VSIG4: variants seen among roughly 807,000 people sequenced by gnomAD.
The protein encoded by VSIG4 is V-set and immunoglobulin domain-containing protein 4.
In VSIG4, 34 loss-of-function variants were observed where a neutral mutation model predicts 23.4. The ratio of observed to expected loss-of-function variants is 1.45; its 90% CI spans 1.10 to 1.93. The LOEUF (loss-of-function observed/expected upper bound fraction) is 1.93, where lower values mean the gene tolerates loss of function less well. VSIG4 is among the 30% of genes most tolerant of loss of function. The pLI is 0.00. For synonymous variants in VSIG4, 169 were observed against 120.3 expected (o/e 1.41, Z -2.65); for missense variants, 433 against 310.8 (o/e 1.39, Z -2.96).
At chrX:66,037,080 ATC>A (rs1175508637) in intron 1 of VSIG4, among the ~76,000 whole-genome samples, 1 of 39,141 alleles carries the variant, frequency 2.6e-5, no homozygotes, top group African/African-American at 1.2e-4. Context: ...AATATAATAT[ATC>A]ATATAATATA....
At chrX:66,027,747 G>C (rs1362870836) in intron 4 of VSIG4, among the ~76,000 whole-genome samples, 3 of 112,254 alleles carry the variant, frequency 2.7e-5, no homozygotes, top group Non-Finnish European at 5.6e-5. Context: ...GGGAGGTAAT[G>C]TACCCAAAGT....
At position 66,033,592 on chromosome X, in the gene VSIG4, G is replaced by A. The variant is rs201447829; in HGVS notation, c.294C>T (p.Leu98=). ...CATCCATCTCCAGGGTGCTCAATTG[G>A]AGGGATACATCTCCTGGAACCTTGT... is the stretch of plus-strand genomic sequence containing the variant. The part of the protein sequence containing the change: ...VSHKVPGDVS[L]QLSTLEMDDR... The change falls in exon 2 of 8, where the codon CTC becomes CTT. Residue 98 remains leucine (L), a synonymous_variant. Coordinates refer to ENST00000374737, the MANE Select transcript of VSIG4 (RefSeq NM_007268.3). 142 of 1,209,457 alleles carry A rather than the reference G, an allele frequency of 1.2e-4. No individual in the cohort carries two copies. The highest frequency in any genetic ancestry group is 1.5e-4 in the Non-Finnish European group (137 of 895,070).
chrX:66,022,365 C>T lies in VSIG4; in HGVS notation c.1098G>A (p.Glu366=). The change falls in exon 8 of 8, where the codon GAG becomes GAA. Residue 366 remains glutamate (E), a synonymous_variant. Transcript: ENST00000374737. ...NYSDEPCIGQ[E]YQIIAQINGN... is the part of the protein sequence containing the mutation. ...CATTGATCTGGGCGATGATCTGGTACTCCTGTCCTATGCAGGGCTCATCAG... is the reference window on the plus strand; with the variant it reads ...CATTGATCTGGGCGATGATCTGGTATTCCTGTCCTATGCAGGGCTCATCAG... The T allele has an allele frequency of 8.2e-7, 1 of 1,212,270 alleles. No individual in the cohort carries two copies. Among genetic ancestry groups the T allele is most frequent in the Non-Finnish European group, 1.1e-6 (1 of 895,611 alleles).
At chrX:66,039,450 A>G (rs1023900272) in intron 1 of VSIG4, among the ~76,000 whole-genome samples, 1 of 111,943 alleles carries the variant, frequency 8.9e-6, no homozygotes, top group Non-Finnish European at 1.9e-5. Context: ...TGAAATCTCA[A>G]TCACTACTGG....
chrX:66,033,798 T>A lies in VSIG4; in HGVS notation c.88A>T (p.Thr30Ser), dbSNP rs1294581631. 1 of 1,209,514 alleles carries A rather than the reference T, an allele frequency of 8.3e-7. No homozygotes were observed. The highest frequency in any genetic ancestry group is 3.0e-5 in the East Asian group (1 of 33,811). ...TTCACATCCCCTTTCCAAGGTCCTGTTACACTCTCTGGCACTTCCAGGATG... is the reference window on the plus strand; with the variant it reads ...TTCACATCCCCTTTCCAAGGTCCTGATACACTCTCTGGCACTTCCAGGATG... ...RPILEVPESVTGPWKGDVNLP... is the reference protein window; with the variant it reads ...RPILEVPESVSGPWKGDVNLP... Residue 30 changes from threonine to serine, a missense_variant, in exon 2 of 8, where the codon ACA becomes TCA. By Grantham distance (58) the Thr-to-Ser change is moderately conservative (BLOSUM62 1). Coordinates refer to ENST00000374737, the MANE Select transcript of VSIG4 (RefSeq NM_007268.3).
chrX:66,036,291 A>G (rs2085539008), intron 1 of VSIG4, among the ~76,000 whole-genome samples: 1 of 109,484 alleles, frequency 9.1e-6, no homozygotes, highest in Admixed American at 1.0e-4. Flanking sequence ...GGTACAGGAC[A>G]TCACAAGAAA....
chrX:66,023,483 G>A (rs138842701), intron 6 of VSIG4, among the ~76,000 whole-genome samples: 120 of 112,410 alleles, frequency 1.1e-3, no homozygotes, highest in African/African-American at 3.5e-3. Context: ...AACTGGAAAT[G>A]CAAGCATTAA....
chrX:66,035,703 A>G (rs1182515089), intron 1 of VSIG4, among the ~76,000 whole-genome samples: 1 of 112,037 alleles, frequency 8.9e-6, no homozygotes, highest in African/African-American at 3.2e-5. Flanking sequence ...AAGCACAAAC[A>G]TACCATGCTT....
chrX:66,033,244 G>T (rs12012964), intron 2 of VSIG4, among the ~76,000 whole-genome samples: 1 of 111,028 alleles, frequency 9.0e-6, no homozygotes, highest in East Asian at 2.8e-4. Flanking sequence ...TGGGACACTC[G>T]AAGGGATAGA....
At chrX:66,036,815 ATAT>A (rs1185132575) in intron 1 of VSIG4, among the ~76,000 whole-genome samples, 3 of 40,160 alleles carry the variant, frequency 7.5e-5, no homozygotes, top group Non-Finnish European at 1.1e-4. Context: ...ATAATATTAT[ATAT>A]TATTATATAT....
Position 66,022,265 on chromosome X carries a change from A to G in VSIG4, c.1198T>C (p.Ter400GlnextTer14), listed in dbSNP as rs201478138. The change falls in exon 8 of 8, where the codon TAA becomes CAA. Residue 400 changes from the stop codon to glutamine, a stop_lost. Coordinates refer to ENST00000374737, the MANE Select transcript of VSIG4 (RefSeq NM_007268.3). ...GATCCTGGCCTAATGGGGCATTTTTAACAGACACTTTTGCCCTCAGTGGCC... is the reference window on the plus strand; with the variant it reads ...GATCCTGGCCTAATGGGGCATTTTTGACAGACACTTTTGCCCTCAGTGGCC... ...FLATEGKSVC[*>Q] 8.3e-7 allele frequency: 1 copy of G among 1,211,034 alleles called. No individual in the cohort carries two copies. Among genetic ancestry groups the G allele is most frequent in the Non-Finnish European group, 1.1e-6 (1 of 895,391 alleles).
At chrX:66,030,473 G>C (rs1026545763) in intron 3 of VSIG4, among the ~76,000 whole-genome samples, 2 of 111,226 alleles carry the variant, frequency 1.8e-5, no homozygotes, top group Non-Finnish European at 3.8e-5. Flanking sequence ...GAGGATAAAG[G>C]GTATTGCAGG....
At position 66,032,735 on chromosome X, in the gene VSIG4, G is replaced by T; in HGVS notation, c.427C>A (p.Pro143Thr). 1 of 1,210,567 alleles carries T rather than the reference G, an allele frequency of 8.3e-7. No homozygotes were observed. Among genetic ancestry groups the T allele is most frequent in the Non-Finnish European group, 1.1e-6 (1 of 894,891 alleles). ...TAACCGCTGCCAGTTGTCACTGTGG[G>T]CTTGGAGACAGAGACTGCAAAGAAA... is the stretch of plus-strand genomic sequence containing the variant. ...LRVQKLSVSK[P>T]TVTTGSGYGF... is the part of the protein sequence containing the mutation. The change falls in exon 3 of 8, where the codon CCC becomes ACC. Residue 143 changes from proline (P) to threonine (T), a missense_variant. Transcript: ENST00000374737.
At chrX:66,025,155 G>A (rs750530689) in intron 5 of VSIG4, 26 bp from the exon 6 acceptor site, 5 of 1,061,432 alleles carry the variant, frequency 4.7e-6, no homozygotes, top group South Asian at 2.2e-5. Flanking sequence ...AGATCAAGTG[G>A]TATTTGATTG....
In VSIG4 at chrX:66,025,894, T is replaced by C. The variant is rs755403472; in HGVS notation, c.836-765A>G. ...AGGAAATTAATTCTTCTCCAAACCCTCCAAAGGGAACATAGCCTTGCTGAC... is the reference window on the plus strand; with the variant it reads ...AGGAAATTAATTCTTCTCCAAACCCCCCAAAGGGAACATAGCCTTGCTGAC... On this transcript the variant is annotated intron_variant, in intron 5 of 7. Transcript: ENST00000374737. Among the ~76,000 whole-genome samples, 3 of 112,262 alleles carry C rather than the reference T, an allele frequency of 2.7e-5. No homozygotes were observed. The South Asian group carries it at 1.1e-3, about 41-fold the overall frequency.
In VSIG4 at chrX:66,036,191, C is replaced by T. The variant is rs142344771; in HGVS notation, c.56-2361G>A. The stretch of plus-strand genomic sequence containing the variant: ...TTCCACTCATTGTTCCATTATGCTT[C>T]CGTTCCTTTTTTCTTCCTTCTTCTT... On this transcript the variant is annotated intron_variant, in intron 1 of 7. Coordinates refer to ENST00000374737, the MANE Select transcript of VSIG4 (RefSeq NM_007268.3). Among the ~76,000 whole-genome samples the T allele has an allele frequency of 8.0e-3, 885 of 110,340 alleles. 16 individuals are homozygous for T. The highest frequency in any genetic ancestry group is 0.027 in the African/African-American group (826 of 30,311).
Position 66,032,743 on chromosome X carries a change from A to G in VSIG4, c.419T>C (p.Val140Ala), listed in dbSNP as rs778900623. ...ITELRVQKLS[V>A]SKPTVTTGSG... ...GCCAGTTGTCACTGTGGGCTTGGAG[A>G]CAGAGACTGCAAAGAAAAGACAAGA... is the stretch of plus-strand genomic sequence containing the variant. The change falls in exon 3 of 8, where the codon GTC becomes GCC. Residue 140 changes from valine (V) to alanine (A), a missense_variant. By Grantham distance (64) the Val-to-Ala change is moderately conservative. Coordinates refer to ENST00000374737, the MANE Select transcript of VSIG4 (RefSeq NM_007268.3). 1.7e-6 allele frequency: 2 copies of G among 1,209,421 alleles called. No individual in the cohort carries two copies. The highest frequency in any genetic ancestry group is 4.4e-5 in the Admixed American group (2 of 45,730).
intron 3 of VSIG4, among the ~76,000 whole-genome samples, chrX:66,028,971 T>A (rs1483248042): frequency 9.0e-6 from 1 of 111,460 alleles, no homozygotes; most frequent in Non-Finnish European, 1.9e-5. Flanking sequence ...GCCTTAAAAA[T>A]GGTTGAGGAA....
intron 3 of VSIG4, among the ~76,000 whole-genome samples, chrX:66,028,973 G>A (rs1199234131): frequency 8.9e-6 from 1 of 111,840 alleles, no homozygotes; most frequent in Non-Finnish European, 1.9e-5. Flanking sequence ...CTTAAAAATG[G>A]TTGAGGAATA....
Sources: allele counts gnomAD v4.1 joint callset (sites outside exome capture counted in the v4.1 genomes callset), GRCh38; gene constraint gnomAD v4.1.1; transcripts MANE v1.5; gene names NCBI Gene and HGNC (gene_info 2026-07-23, HGNC 2026-07-21).